Variants in KIF16B observed in about 807,000 individuals in gnomAD.
KIF16B encodes kinesin-like protein KIF16B.
A neutral mutation model predicts 156.3 loss-of-function variants in KIF16B; 98 were observed. That is an observed-to-expected ratio of 0.63 (90% CI 0.53 to 0.74). The LOEUF is 0.74. KIF16B is among the 30% of genes least tolerant of loss of function. The pLI is 0.00. For synonymous variants in KIF16B, 564 were observed against 583.7 expected (o/e 0.97, Z 0.49); for missense variants, 1,421 against 1,606.5 (o/e 0.88, Z 1.97).
chr20:16,444,877 C>T (rs1019251919), intron 12 of KIF16B, among the ~76,000 whole-genome samples: 3 of 152,162 alleles, frequency 2.0e-5, no homozygotes, highest in Non-Finnish European at 4.4e-5. Flanking sequence ...ATTTACATGT[C>T]AGAAACAACA....
intron 1 of KIF16B, among the ~76,000 whole-genome samples, chr20:16,529,293 T>A (rs932794497): frequency 2.0e-5 from 3 of 152,152 alleles, no homozygotes; most frequent in Admixed American, 6.5e-5. Context: ...TTTAGAACGA[T>A]AAAAATGATT....
At position 16,512,875 on chromosome 20, in the gene KIF16B, T is replaced by C. The variant is rs113456821; in HGVS notation, c.397A>G (p.Ile133Val). 696 of 1,614,112 alleles carry C rather than the reference T, an allele frequency of 4.3e-4. 4 individuals are homozygous for C. In the African/African-American group the frequency reaches 8.3e-3, roughly 19 times the overall value. ...PRICEGLFSR[I>V]NETTRWDEAS... ...TCATCCCATCTGGTGGTTTCATTTA[T>C]CCGACTGAAGAGTCCTTCACAGATC... Residue 133 changes from isoleucine (I) to valine (V), a missense_variant, in exon 5 of 26, where the codon ATA (isoleucine) becomes GTA (valine). Physicochemically the swap from Ile to Val is conservative, Grantham distance 29. Coordinates refer to ENST00000354981, the MANE Select transcript of KIF16B (RefSeq NM_024704.5).
chr20:16,367,444 G>C (rs866021454), intron 22 of KIF16B: 1 of 1,612,900 alleles, frequency 6.2e-7, no homozygotes, highest in South Asian at 1.1e-5. Context: ...TGCACCCGGA[G>C]GAGGTATGTT....
intron 24 of KIF16B, among the ~76,000 whole-genome samples, chr20:16,314,841 A>C (rs2063673285): frequency 6.6e-6 from 1 of 152,114 alleles, no homozygotes; most frequent in Non-Finnish European, 1.5e-5. Context: ...ACCTGGACTC[A>C]GTGGCACAAA....
chr20:16,325,325 A>G (rs1292578875), intron 24 of KIF16B, among the ~76,000 whole-genome samples: 1 of 151,606 alleles, frequency 6.6e-6, no homozygotes, highest in Non-Finnish European at 1.5e-5. Context: ...CAAGAGAAAG[A>G]AAGAAAGGGC....
chr20:16,429,626 T>C (rs1379019791), intron 13 of KIF16B, among the ~76,000 whole-genome samples: 1 of 152,156 alleles, frequency 6.6e-6, no homozygotes, highest in Non-Finnish European at 1.5e-5. Flanking sequence ...TTACTAATCC[T>C]ACAGAATAGA....
intron 11 of KIF16B, 141 bp downstream of exon 11, chr20:16,497,472 C>CA (rs2068485009): frequency 1.5e-6 from 1 of 674,016 alleles, no homozygotes; most frequent in Non-Finnish European, 2.6e-6. Context: ...CGTGCTTCTT[C>CA]AAAAATGATC....
At chr20:16,382,899 C>T (rs1368232172) in intron 17 of KIF16B, among the ~76,000 whole-genome samples, 1 of 152,140 alleles carries the variant, frequency 6.6e-6, no homozygotes, top group East Asian at 1.9e-4. Context: ...TGATTGGAAA[C>T]AATTACTTAG....
At chr20:16,333,976 C>G (rs570776392) in intron 24 of KIF16B, among the ~76,000 whole-genome samples, 63 of 152,306 alleles carry the variant, frequency 4.1e-4, no homozygotes, top group Non-Finnish European at 6.8e-4. Context: ...AAAGTGCTAG[C>G]TATTATTTTC....
chr20:16,289,728 C>A (rs1287739824), intron 25 of KIF16B, among the ~76,000 whole-genome samples: 1 of 152,162 alleles, frequency 6.6e-6, no homozygotes, highest in Non-Finnish European at 1.5e-5. Flanking sequence ...GTACTCCCAG[C>A]TACTCGGGAG....
chr20:16,383,907 T>A (rs897130946), intron 17 of KIF16B, among the ~76,000 whole-genome samples: 1 of 152,174 alleles, frequency 6.6e-6, no homozygotes, highest in African/African-American at 2.4e-5. Flanking sequence ...AAACCTACCA[T>A]CTGAGGATTG....
chr20:16,435,847 T>C (rs1388751503), intron 12 of KIF16B, among the ~76,000 whole-genome samples: 7 of 152,192 alleles, frequency 4.6e-5, no homozygotes, highest in African/African-American at 1.7e-4. Context: ...AATGATGTTG[T>C]TTTGGGCCTC....
At chr20:16,444,238 TCA>T (rs1251421428) in intron 12 of KIF16B, among the ~76,000 whole-genome samples, 1 of 152,212 alleles carries the variant, frequency 6.6e-6, no homozygotes, top group Non-Finnish European at 1.5e-5. Context: ...AATATCCACA[TCA>T]CATGACCCAG....
chr20:16,506,483 C>G (rs2068782345), intron 7 of KIF16B, among the ~76,000 whole-genome samples: 1 of 152,154 alleles, frequency 6.6e-6, no homozygotes. Flanking sequence ...GAGTGGCACT[C>G]AGCAGAGAAA....
chr20:16,336,056 C>A (rs200943284), intron 23 of KIF16B, 41 bp from the exon 24 acceptor site: 11 of 1,178,392 alleles, frequency 9.3e-6, no homozygotes, highest in African/African-American at 1.6e-5. Context: ...CATTAAGAAG[C>A]AAAAGTCACT....
chr20:16,505,636 T>C lies in KIF16B; in HGVS notation c.1000+86A>G. 4.8e-6 allele frequency: 6 copies of C among 1,243,366 alleles called. No individual in the cohort carries two copies. The South Asian group carries it at 8.4e-5, about 18-fold the overall frequency. The allele number at this position is 1,243,366 out of a possible 1,614,324, so 77.0% of individuals were successfully genotyped here. On this transcript the variant is annotated intron_variant, in intron 9 of 25. Coordinates refer to ENST00000354981, the MANE Select transcript of KIF16B (RefSeq NM_024704.5). ...TTTTTAAGATGTAAAAGGTGCTATT[T>C]CCTAATAAGACACTTTAAACTTAAA...
intron 12 of KIF16B, among the ~76,000 whole-genome samples, chr20:16,466,009 C>A (rs1193165109): frequency 6.6e-6 from 1 of 152,162 alleles, no homozygotes; most frequent in Non-Finnish European, 1.5e-5. Flanking sequence ...TGATGTCTAA[C>A]CACCACAGAT....
chr20:16,360,909 G>A (rs764213794), intron 22 of KIF16B, among the ~76,000 whole-genome samples: 10 of 152,126 alleles, frequency 6.6e-5, no homozygotes, highest in East Asian at 3.9e-4. Context: ...AGATCTCTGC[G>A]GGCTCTCAGA....
chr20:16,557,170 C>CAT (rs2070882480), intron 1 of KIF16B, among the ~76,000 whole-genome samples: 1 of 149,794 alleles, frequency 6.7e-6, no homozygotes, highest in African/African-American at 2.5e-5. Flanking sequence ...CACACACACA[C>CAT]ACATACTAAT....
Sources: gnomAD v4.1 joint callset for allele counts (sites outside exome capture counted in the v4.1 genomes callset) on GRCh38, gnomAD v4.1.1 for gene constraint, MANE v1.5 for transcripts, NCBI Gene and HGNC (gene_info 2026-07-23, HGNC 2026-07-21) for gene names.